LANCL2: variants seen among roughly 807,000 people sequenced by gnomAD.
LANCL2 encodes LanC like glutathione S-transferase 2.
In LANCL2, 33 loss-of-function variants were observed where a neutral mutation model predicts 56.9. The ratio of observed to expected loss-of-function variants is 0.58; its 90% CI spans 0.44 to 0.78. The LOEUF is 0.78. Ranked by LOEUF, LANCL2 falls within the 30% of genes least tolerant of loss-of-function variation. The pLI is 0.00. For synonymous variants in LANCL2, 233 were observed against 228.2 expected (o/e 1.02, Z -0.19); for missense variants, 562 against 580.2 (o/e 0.97, Z 0.32).
At position 55,400,121 on chromosome 7, in the gene LANCL2, G is replaced by C. The variant is rs1222662112; in HGVS notation, c.678+17G>C. ...ATTAAAGAGGTACTATGGGGTATGG[G>C]TAACTATGGGCGTCTCTACCATTCA... On this transcript the variant is annotated intron_variant, in intron 4 of 8. Transcript: ENST00000254770. The C allele has an allele frequency of 6.4e-7, 1 of 1,562,680 alleles. No homozygotes were observed. The highest frequency in any genetic ancestry group is 8.7e-7 in the Non-Finnish European group (1 of 1,146,186).
chr7:55,376,584 C>T (rs1227521676), intron 1 of LANCL2, among the ~76,000 whole-genome samples: 1 of 152,250 alleles, frequency 6.6e-6, no homozygotes, highest in Non-Finnish European at 1.5e-5. Flanking sequence ...CCCAGCTACA[C>T]ACTTGCCTGC....
chr7:55,403,062 C>T (rs1009852014), intron 5 of LANCL2, among the ~76,000 whole-genome samples: 13 of 152,220 alleles, frequency 8.5e-5, no homozygotes, highest in African/African-American at 1.4e-4. Flanking sequence ...GCTGCAATCT[C>T]GGCACTTTGG....
At chr7:55,405,015 G>A (rs1183042658) in intron 5 of LANCL2, among the ~76,000 whole-genome samples, 1 of 152,194 alleles carries the variant, frequency 6.6e-6, no homozygotes, top group East Asian at 1.9e-4. Flanking sequence ...GGGTTCTCCA[G>A]AGAAACAACC....
rs61594443 is a variant in LANCL2, at chr7:55,411,861, T to G, written c.826-46T>G. Reference sequence around the variant, plus strand: ...TAGCCATGATACAATGTAAAAGAAATAACTTCAGAGAAAATAATTTGTGTT... The same window carrying G: ...TAGCCATGATACAATGTAAAAGAAAGAACTTCAGAGAAAATAATTTGTGTT... On this transcript the variant is annotated intron_variant, in intron 5 of 8. Transcript: ENST00000254770. The G allele has an allele frequency of 9.7e-6, 15 of 1,552,010 alleles. No individual in the cohort carries two copies. The South Asian group carries it at 1.4e-4, about 15-fold the overall frequency.
At chr7:55,379,558 C>T (rs1272477285) in intron 1 of LANCL2, 1 of 152,584 alleles carries the variant, frequency 6.6e-6, no homozygotes, top group Non-Finnish European at 1.5e-5. Context: ...CTAGGAACTA[C>T]CTTATGGGTT....
Position 55,429,780 on chromosome 7 carries a change from C to T in LANCL2, c.1258+1333C>T, listed in dbSNP as rs149669700. ...TAGCACCTTCAGAGCCCCAGTGGGTCAAAAGCTTTGGATGTACAGCTCCCT... is the reference window on the plus strand; with the variant it reads ...TAGCACCTTCAGAGCCCCAGTGGGTTAAAAGCTTTGGATGTACAGCTCCCT... On this transcript the variant is annotated intron_variant, in intron 8 of 8. Transcript: ENST00000254770. Among the ~76,000 whole-genome samples the T allele has an allele frequency of 5.6e-3, 846 of 152,372 alleles. 6 individuals are homozygous for T. Among genetic ancestry groups the T allele is most frequent in the African/African-American group, 0.018 (742 of 41,596 alleles).
intron 7 of LANCL2, among the ~76,000 whole-genome samples, chr7:55,426,350 T>G (rs1790663812): frequency 6.6e-6 from 1 of 152,240 alleles, no homozygotes; most frequent in African/African-American, 2.4e-5. Context: ...GCTAGTATTT[T>G]TATTATGTAC....
intron 1 of LANCL2, among the ~76,000 whole-genome samples, chr7:55,384,668 G>T (rs929086425): frequency 6.6e-6 from 1 of 152,146 alleles, no homozygotes; most frequent in Non-Finnish European, 1.5e-5. Flanking sequence ...AGCACATCTT[G>T]GTAGGAGCAG....
chr7:55,379,521 A>C (rs1226865509), intron 1 of LANCL2: 1 of 152,628 alleles, frequency 6.6e-6, no homozygotes, highest in Non-Finnish European at 1.5e-5. Flanking sequence ...GTTAACAAGC[A>C]GGAAGGGTGT....
At chr7:55,422,489 T>C (rs1174567652) in intron 6 of LANCL2, among the ~76,000 whole-genome samples, 1 of 152,238 alleles carries the variant, frequency 6.6e-6, no homozygotes, top group Non-Finnish European at 1.5e-5. Flanking sequence ...TAGATGTATT[T>C]GTATTTATCG....
Position 55,390,577 on chromosome 7 carries a change from GCCTGGGTGACGAGCGAAA to G in LANCL2, c.205-1214_205-1197del, listed in dbSNP as rs1371056948. On this transcript the variant is annotated intron_variant, in intron 1 of 8. Coordinates refer to ENST00000254770, the MANE Select transcript of LANCL2 (RefSeq NM_018697.4). ...GCCAAGATCGCACCATTGCACTCCA[GCCTGGGTGACGAGCGAAA>G]CTCTGTCTCACCCCATCTCTACTAA... Among the ~76,000 whole-genome samples the G allele has an allele frequency of 2.6e-5, 4 of 152,132 alleles. No individual in the cohort carries two copies. The East Asian group carries it at 7.7e-4, about 29-fold the overall frequency.
intron 1 of LANCL2, among the ~76,000 whole-genome samples, chr7:55,385,712 C>T (rs895789949): frequency 2.0e-5 from 3 of 152,298 alleles, no homozygotes; most frequent in East Asian, 1.9e-4. Context: ...AATGAAGTTT[C>T]GGGCACCATT....
At chr7:55,424,955 C>T (rs146426596) in intron 6 of LANCL2, among the ~76,000 whole-genome samples, 1 of 152,188 alleles carries the variant, frequency 6.6e-6, no homozygotes. Flanking sequence ...ATGATCTGAG[C>T]TGGAACAGTT....
chr7:55,378,928 C>A (rs1432342778), intron 1 of LANCL2, among the ~76,000 whole-genome samples: 5 of 152,144 alleles, frequency 3.3e-5, no homozygotes, highest in Non-Finnish European at 7.4e-5. Flanking sequence ...GTCAGGAGAT[C>A]GAGACCATCC....
intron 1 of LANCL2, among the ~76,000 whole-genome samples, chr7:55,377,800 C>CA: frequency 6.6e-6 from 1 of 152,326 alleles, no homozygotes; most frequent in Non-Finnish European, 1.5e-5. Flanking sequence ...ATCTCAGAAT[C>CA]AAGAGATAAA....
At chr7:55,426,755 G>A (rs1790668581) in intron 7 of LANCL2, among the ~76,000 whole-genome samples, 1 of 152,212 alleles carries the variant, frequency 6.6e-6, no homozygotes, top group Non-Finnish European at 1.5e-5. Context: ...CCGGAGGTGT[G>A]AGCACCCAGG....
chr7:55,378,315 C>T (rs1790025870), intron 1 of LANCL2, among the ~76,000 whole-genome samples: 1 of 151,974 alleles, frequency 6.6e-6, no homozygotes, highest in Admixed American at 6.6e-5. Context: ...CAAAAATTAG[C>T]CGGACATGGT....
intron 1 of LANCL2, among the ~76,000 whole-genome samples, chr7:55,379,040 A>T (rs1217477597): frequency 6.6e-6 from 1 of 152,144 alleles, no homozygotes; most frequent in African/African-American, 2.4e-5. Flanking sequence ...CTGAGGCAGG[A>T]GAATGGTGTG....
rs745505739 is a variant in LANCL2 at position 55,401,170 on chromosome 7, G to A, written c.679-4G>A. 3.1e-6 allele frequency: 5 copies of A among 1,613,466 alleles called. No homozygotes were observed. The highest frequency in any genetic ancestry group is 8.5e-7 in the Non-Finnish European group (1 of 1,179,570). On this transcript the variant is annotated splice_region_variant and splice_polypyrimidine_tract_variant and intron_variant, in intron 4 of 8. Transcript: ENST00000254770. ...AGATTTATGCTGTCTTGTTATCTCT[G>A]TAGGTAGTCAATGCTATTATTGAAT...
Sources: gnomAD v4.1 joint callset for allele counts (sites outside exome capture counted in the v4.1 genomes callset) on GRCh38, gnomAD v4.1.1 for gene constraint, MANE v1.5 for transcripts, NCBI Gene and HGNC (gene_info 2026-07-23, HGNC 2026-07-21) for gene names.